ADORA2B: variants seen among roughly 807,000 people sequenced by gnomAD.
ADORA2B encodes the protein adenosine A2b receptor.
In ADORA2B, 18 loss-of-function variants were observed where a neutral mutation model predicts 20.8. That is an observed-to-expected ratio of 0.87 (90% CI 0.60 to 1.29). ADORA2B has a LOEUF of 1.29. Among genes scored for constraint, ADORA2B ranks in the 50% most tolerant of loss-of-function variants. ADORA2B has a pLI of 0.00. For synonymous variants in ADORA2B, 179 were observed against 178.3 expected (o/e 1.00, Z -0.03); for missense variants, 441 against 422.7 (o/e 1.04, Z -0.38).
the ADORA2B span, among the ~76,000 whole-genome samples, chr17:15,878,727 A>G: frequency 6.6e-6 from 1 of 152,184 alleles, no homozygotes; most frequent in Non-Finnish European, 1.5e-5. Flanking sequence ...TTTCTGATGA[A>G]TAGTTTATCA....
At chr17:15,964,333 G>A (rs531976530) in intron 1 of ADORA2B, among the ~76,000 whole-genome samples, 4 of 152,226 alleles carry the variant, frequency 2.6e-5, no homozygotes, top group Non-Finnish European at 5.9e-5. Context: ...TAGGCTGGGC[G>A]CTGTGACTCA....
the ADORA2B span, among the ~76,000 whole-genome samples, chr17:15,860,098 G>T: frequency 6.6e-6 from 1 of 152,282 alleles, no homozygotes; most frequent in East Asian, 1.9e-4. Context: ...CTAATTACTG[G>T]TGTATGCAAC....
the ADORA2B span, among the ~76,000 whole-genome samples, chr17:15,870,755 T>C: frequency 6.6e-6 from 1 of 152,234 alleles, no homozygotes; most frequent in African/African-American, 2.4e-5. Context: ...GGGCTCTGTT[T>C]CTTGTCTTTT....
At chr17:15,908,370 C>A in the ADORA2B span, among the ~76,000 whole-genome samples, 2 of 152,186 alleles carry the variant, frequency 1.3e-5, no homozygotes, top group African/African-American at 2.4e-5. Flanking sequence ...GAGAAAAAGT[C>A]TTTTCTTTTA....
the ADORA2B span, among the ~76,000 whole-genome samples, chr17:15,899,460 C>G: frequency 6.6e-6 from 1 of 152,106 alleles, no homozygotes; most frequent in African/African-American, 2.4e-5. Context: ...TCAACTTTTA[C>G]TTGAGATTCC....
At chr17:15,912,696 C>T in the ADORA2B span, among the ~76,000 whole-genome samples, 2 of 152,220 alleles carry the variant, frequency 1.3e-5, no homozygotes, top group East Asian at 1.9e-4. Flanking sequence ...CATGCATATG[C>T]AGGCATATGT....
chr17:15,941,958 G>A (rs531610944), upstream of ADORA2B, among the ~76,000 whole-genome samples: 6 of 152,144 alleles, frequency 3.9e-5, no homozygotes, highest in South Asian at 4.2e-4. Flanking sequence ...GAAGAGGGGC[G>A]GGTTGTTGTG....
upstream of ADORA2B, among the ~76,000 whole-genome samples, chr17:15,943,949 T>G (rs1190640651): frequency 6.6e-6 from 1 of 151,982 alleles, no homozygotes; most frequent in African/African-American, 2.4e-5. Flanking sequence ...AACAATGGTG[T>G]TGGTGAGGGC....
chr17:15,929,079 C>A, the ADORA2B span, among the ~76,000 whole-genome samples: 1 of 152,080 alleles, frequency 6.6e-6, no homozygotes, highest in Non-Finnish European at 1.5e-5. Flanking sequence ...GAAACAGCAT[C>A]TTCAGGGGAG....
At chr17:15,972,304 GCAAA>G (rs756974037) in intron 1 of ADORA2B, among the ~76,000 whole-genome samples, 15 of 152,316 alleles carry the variant, frequency 9.8e-5, no homozygotes, top group Admixed American at 3.3e-4. Context: ...TGCAGGTAAA[GCAAA>G]CAAACACTTC....
intron 1 of ADORA2B, among the ~76,000 whole-genome samples, chr17:15,964,852 GAGA>G (rs1177515127): frequency 1.3e-5 from 2 of 151,894 alleles, no homozygotes; most frequent in Non-Finnish European, 2.9e-5. Context: ...ACGAGGTCAG[GAGA>G]TCGAGACCAT....
intron 1 of ADORA2B, among the ~76,000 whole-genome samples, chr17:15,970,124 TTA>T (rs1970173369): frequency 6.6e-6 from 1 of 152,242 alleles, no homozygotes; most frequent in Non-Finnish European, 1.5e-5. Flanking sequence ...AACTTCGTAT[TTA>T]TATGTTTACT....
chr17:15,958,355 CT>C (rs1969996467), intron 1 of ADORA2B, among the ~76,000 whole-genome samples: 1 of 152,222 alleles, frequency 6.6e-6, no homozygotes, highest in African/African-American at 2.4e-5. Context: ...ATTCACTTCT[CT>C]TAGGCCCCAT....
the ADORA2B span, among the ~76,000 whole-genome samples, chr17:15,899,397 G>A: frequency 6.6e-6 from 1 of 152,150 alleles, no homozygotes; most frequent in African/African-American, 2.4e-5. Flanking sequence ...AGCAGTTTCT[G>A]GGTGTAACAT....
the ADORA2B span, among the ~76,000 whole-genome samples, chr17:15,854,175 G>A: frequency 3.3e-5 from 5 of 152,232 alleles, no homozygotes; most frequent in Admixed American, 6.5e-5. Context: ...GGCTGGTCTC[G>A]AACTCCTGAC....
At chr17:15,925,498 C>T in the ADORA2B span, among the ~76,000 whole-genome samples, 1 of 152,056 alleles carries the variant, frequency 6.6e-6, no homozygotes, top group African/African-American at 2.4e-5. Context: ...AGTAATCTAA[C>T]ACTGTTGTAT....
chr17:15,950,431 A>G (rs1180680921), intron 1 of ADORA2B, among the ~76,000 whole-genome samples: 4 of 152,096 alleles, frequency 2.6e-5, no homozygotes, highest in Non-Finnish European at 5.9e-5. Flanking sequence ...ACGCCCCTTC[A>G]CTTCCTCATC....
the ADORA2B span, among the ~76,000 whole-genome samples, chr17:15,931,548 C>T: frequency 6.6e-6 from 1 of 152,188 alleles, no homozygotes; most frequent in Admixed American, 6.5e-5. Flanking sequence ...GGCTTAAGAT[C>T]CAGCTCTGCT....
chr17:15,963,569 G>C (rs1567781675), intron 1 of ADORA2B, among the ~76,000 whole-genome samples: 1 of 152,184 alleles, frequency 6.6e-6, no homozygotes, highest in Admixed American at 6.5e-5. Flanking sequence ...TTCTCTCAGG[G>C]ACTGCTTATT....
Sources: gnomAD v4.1 joint callset for allele counts (sites outside exome capture counted in the v4.1 genomes callset) on GRCh38, gnomAD v4.1.1 for gene constraint, MANE v1.5 for transcripts, NCBI Gene and HGNC (gene_info 2026-07-23, HGNC 2026-07-21) for gene names.